C12orf76: variants seen among roughly 807,000 people sequenced by gnomAD.
C12orf76 encodes chromosome 12 open reading frame 76, also known as uncharacterized protein C12orf76.
In C12orf76, 6 loss-of-function variants were observed where a neutral mutation model predicts 6.8. That is an observed-to-expected ratio of 0.88 (90% CI 0.48 to 1.73). The LOEUF (loss-of-function observed/expected upper bound fraction) is 1.73, where lower values mean the gene tolerates loss of function less well. Among genes scored for constraint, C12orf76 ranks in the 40% most tolerant of loss-of-function variants. The probability of loss-of-function intolerance (pLI) is 0.01; values close to 1 mark genes in which losing one functional copy is unlikely to be tolerated. For missense variants in C12orf76, 99 were observed against 98.2 expected (o/e 1.01, Z -0.03); for synonymous variants, 56 against 43.7 (o/e 1.28, Z -1.11).
chr12:110,063,924 G>GAACAAACA, intron 2 of C12orf76, among the ~76,000 whole-genome samples: 1 of 152,004 alleles, frequency 6.6e-6, no homozygotes, highest in East Asian at 1.9e-4. Flanking sequence ...ACAAACAAAC[G>GAACAAACA]AACAAACAAA....
At chr12:110,061,517 T>C (rs1324135638) in intron 2 of C12orf76, among the ~76,000 whole-genome samples, 9 of 151,688 alleles carry the variant, frequency 5.9e-5, no homozygotes, top group African/African-American at 1.9e-4. Flanking sequence ...CTCCACTCTC[T>C]ATACTGCACA....
intron 1 of C12orf76, 110 bp downstream of exon 1, chr12:110,048,253 C>T (rs1892500730): frequency 1.5e-6 from 2 of 1,310,020 alleles, no homozygotes. Context: ...CCCGCACTCA[C>T]CCATCTCCCC....
At chr12:110,069,178 C>T (rs1367365248), upstream of C12orf76, among the ~76,000 whole-genome samples, 7 of 152,212 alleles carry the variant, frequency 4.6e-5, no homozygotes, top group African/African-American at 1.7e-4. Context: ...CGGTGCCTCA[C>T]GCCTGTAATC....
chr12:110,066,012 C>T, exon 2 of C12orf76: 1 of 1,600,116 alleles, frequency 6.2e-7, no homozygotes, highest in Non-Finnish European at 8.5e-7. Flanking sequence ...CTTCTGACCT[C>T]CCCCTCAAGC....
intron 4 of C12orf76, among the ~76,000 whole-genome samples, chr12:110,056,185 T>G (rs2137229178): frequency 6.6e-6 from 1 of 152,278 alleles, no homozygotes; most frequent in South Asian, 2.1e-4. Flanking sequence ...AAACTGAGTT[T>G]GTGATGTCCT....
At chr12:110,048,723 C>T, upstream of C12orf76, 4 of 1,174,740 alleles carry the variant, frequency 3.4e-6, no homozygotes, top group Non-Finnish European at 4.3e-6. Flanking sequence ...ATCAACTTTC[C>T]GTCTGTGCCA....
upstream of C12orf76, among the ~76,000 whole-genome samples, chr12:110,068,270 AGAAG>A (rs1394955097): frequency 1.6e-5 from 2 of 125,974 alleles, no homozygotes; most frequent in African/African-American, 6.2e-5. Flanking sequence ...AAGAAGAAGA[AGAAG>A]AAGAAGAAGA....
chr12:110,057,158 C>T (rs368875688), intron 4 of C12orf76: 124 of 1,467,500 alleles, frequency 8.4e-5, no homozygotes, highest in Non-Finnish European at 1.9e-5. Flanking sequence ...AATCCACATG[C>T]TCTGAATATA....
chr12:110,050,505 A>G (rs1250151420), upstream of C12orf76: 1 of 160,150 alleles, frequency 6.2e-6, no homozygotes, highest in Non-Finnish European at 1.4e-5. Flanking sequence ...CCTTGCTGAT[A>G]AAACAGGTTG....
At chr12:110,058,069 A>G (rs1214660239) in intron 3 of C12orf76, among the ~76,000 whole-genome samples, 1 of 147,110 alleles carries the variant, frequency 6.8e-6, no homozygotes, top group Non-Finnish European at 1.5e-5. Flanking sequence ...CGGTCTCAAA[A>G]AAAAAAAAAA....
intron 1 of C12orf76, among the ~76,000 whole-genome samples, chr12:110,046,597 G>A (rs1892454433): frequency 6.6e-6 from 1 of 152,178 alleles, no homozygotes; most frequent in Admixed American, 6.5e-5. Flanking sequence ...TTCCAGTTCA[G>A]AGACACCTAG....
chr12:110,060,042 G>A (rs966105101), intron 2 of C12orf76, among the ~76,000 whole-genome samples: 6 of 152,028 alleles, frequency 3.9e-5, no homozygotes, highest in Non-Finnish European at 5.9e-5. Flanking sequence ...CTTTCCATCT[G>A]CACTTAACAT....
At chr12:110,049,666 G>A (rs911136225), upstream of C12orf76, 3 of 152,172 alleles carry the variant, frequency 2.0e-5, no homozygotes, top group Non-Finnish European at 4.4e-5. Flanking sequence ...CATCAGTTAA[G>A]GCTATTTTTA....
rs1193469235 is a variant in C12orf76 at position 110,073,279 on chromosome 12, C to G, written n.213+143G>C. 7 of 426,770 alleles carry G rather than the reference C, an allele frequency of 1.6e-5. No individual in the cohort carries two copies. In the East Asian group the frequency reaches 5.0e-4, roughly 30 times the overall value. The allele number at this position is 426,770 out of a possible 1,614,324, so 26.4% of individuals were successfully genotyped here. A position where few individuals can be genotyped will look rare whatever the true frequency, so the allele number is the denominator to read the frequency against. ...TTCCTCTTGCCTGATGCTGCTTCCTCCCTCCCGCCCGGTTTGCTGTGAAAG... is the reference window on the plus strand; with the variant it reads ...TTCCTCTTGCCTGATGCTGCTTCCTGCCTCCCGCCCGGTTTGCTGTGAAAG... On this transcript the variant is annotated intron_variant and non_coding_transcript_variant, in intron 1 of 1. Coordinates refer to the C12orf76 transcript ENST00000548936.
chr12:110,044,983 AAAAAG>A (rs758053931), intron 1 of C12orf76, among the ~76,000 whole-genome samples: 87 of 152,192 alleles, frequency 5.7e-4, no homozygotes, highest in Non-Finnish European at 1.1e-3. Flanking sequence ...CAAAATAAAA[AAAAAG>A]AAAAGAAAAG....
At chr12:110,055,236 C>T (rs1320929501) in intron 4 of C12orf76, among the ~76,000 whole-genome samples, 9 of 134,520 alleles carry the variant, frequency 6.7e-5, no homozygotes, top group Admixed American at 3.2e-4. Context: ...TTTTTTGAGA[C>T]AGAGTCTCCC....
upstream of C12orf76, chr12:110,050,372 C>A (rs1892554640): frequency 6.5e-6 from 1 of 153,280 alleles, no homozygotes; most frequent in East Asian, 1.9e-4. Flanking sequence ...CAGAGCAACT[C>A]CATCTTAAAT....
At position 110,042,416 on chromosome 12, in the gene C12orf76, G is replaced by A; in HGVS notation, c.177C>T (p.Ile59=). The part of the protein sequence containing the change: ...TIFSILLVTV[I]LMAFCVYKPI... ...GCTTGTAGACACAAAATGCCATAAG[G>A]ATGACAGTCACCAGCAGGATGCTGA... Residue 59 remains isoleucine, a synonymous_variant, in exon 2 of 2, where the codon ATC becomes ATT. Coordinates refer to ENST00000615315, the MANE Select transcript of C12orf76 (RefSeq NM_001389625.1). 6.2e-7 allele frequency: 1 copy of A among 1,614,160 alleles called. No individual in the cohort carries two copies. Among genetic ancestry groups the A allele is most frequent in the East Asian group, 2.2e-5 (1 of 44,892 alleles).
At chr12:110,073,090 G>C (rs1398390700) in intron 1 of C12orf76, among the ~76,000 whole-genome samples, 1 of 152,150 alleles carries the variant, frequency 6.6e-6, no homozygotes, top group Non-Finnish European at 1.5e-5. Flanking sequence ...CACCAGGAGT[G>C]CCCTGAGATC....
Sources: gnomAD v4.1 joint callset for allele counts (sites outside exome capture counted in the v4.1 genomes callset) on GRCh38, gnomAD v4.1.1 for gene constraint, MANE v1.5 for transcripts, NCBI Gene and HGNC (gene_info 2026-07-23, HGNC 2026-07-21) for gene names.